Variants in DYNC2I2 observed in about 807,000 individuals in gnomAD.
The protein encoded by DYNC2I2 is cytoplasmic dynein 2 intermediate chain 2.
Under a neutral mutation model 52.0 loss-of-function variants are expected in DYNC2I2, and 39 were observed. The observed-to-expected ratio is 0.75, with a 90% confidence interval of 0.58 to 0.98. The LOEUF (loss-of-function observed/expected upper bound fraction) is 0.98. Among genes scored for constraint, DYNC2I2 ranks in the 50% least tolerant of loss-of-function variants. The probability of loss-of-function intolerance (pLI) is 0.00; values close to 1 mark genes in which losing one functional copy is unlikely to be tolerated. For missense variants in DYNC2I2, 743 were observed against 728.4 expected, an observed-to-expected ratio of 1.02 and a Z score of -0.23; for synonymous variants, 359 against 321.1, an observed-to-expected ratio of 1.12 and a Z score of -1.26.
rs1860506961 is a variant in DYNC2I2, at chr9:128,641,038, G to A, written c.187-99C>T. ...CCTCCTGCTTGACCCCCTCCTTGCT[G>A]CTGTGGGTCTCAGGCTAGGGGCCTC... On this transcript the variant is annotated intron_variant, in intron 1 of 8. Coordinates refer to ENST00000372715, the MANE Select transcript of DYNC2I2 (RefSeq NM_052844.4). 3.4e-6 allele frequency: 5 copies of A among 1,457,328 alleles called. No homozygotes were observed. In the Admixed American group the frequency reaches 1.1e-4, roughly 31 times the overall value. 90.3% of individuals were successfully genotyped at this position (1,457,328 alleles called of 1,614,324 possible).
In DYNC2I2 at chr9:128,637,042, C is replaced by T. The variant is rs1860428721; in HGVS notation, c.436-15G>A. ...AGACAAGACACCTGCGGAGACGTCC[C>T]CAACCCTGAGTCCAAAGCCACCAGC... On this transcript the variant is annotated splice_polypyrimidine_tract_variant and intron_variant, in intron 2 of 8. Transcript: ENST00000372715. 1.2e-6 allele frequency: 2 copies of T among 1,604,564 alleles called. No individual in the cohort carries two copies. The highest frequency in any genetic ancestry group is 1.7e-5 in the Admixed American group (1 of 59,624).
intron 1 of DYNC2I2, among the ~76,000 whole-genome samples, chr9:128,655,092 A>C (rs1564345762): frequency 6.6e-6 from 1 of 152,000 alleles, no homozygotes; most frequent in Non-Finnish European, 1.5e-5. Flanking sequence ...ACCCCTTGGG[A>C]GAGGCCTTGA....
intron 1 of DYNC2I2, among the ~76,000 whole-genome samples, chr9:128,654,732 G>T (rs1031917224): frequency 5.3e-5 from 8 of 152,062 alleles, no homozygotes; most frequent in African/African-American, 1.9e-4. Context: ...CTTTGCACTT[G>T]ACTTTTCATC....
chr9:128,635,820 TC>T, intron 4 of DYNC2I2, 53 bp from the exon 5 acceptor site: 1 of 1,532,736 alleles, frequency 6.5e-7, no homozygotes, highest in South Asian at 1.2e-5. Flanking sequence ...CAGCCTGACT[TC>T]CTGGCCAAAC....
At chr9:128,635,560 T>C in intron 5 of DYNC2I2, 98 bp downstream of exon 5, 1 of 1,114,004 alleles carries the variant, frequency 9.0e-7, no homozygotes, top group Non-Finnish European at 1.3e-6. Flanking sequence ...GAGGCAGCTG[T>C]CCAACTGCCA....
Position 128,656,646 on chromosome 9 carries a change from C to A in DYNC2I2, c.81G>T (p.Ala27=), listed in dbSNP as rs769249867. The A allele has an allele frequency of 7.3e-6, 11 of 1,506,466 alleles. No homozygotes were observed. Among genetic ancestry groups the A allele is most frequent in the African/African-American group, 1.4e-5 (1 of 69,628 alleles). The allele number at this position is 1,506,466 out of a possible 1,614,324, so 93.3% of individuals were successfully genotyped here. Reference sequence around the variant, plus strand: ...CTGGCCGCCCCGGCCCCGGGCCGCTCGCAACCCCGACTGTCGCCAGCGCCG... The same window carrying A: ...CTGGCCGCCCCGGCCCCGGGCCGCTAGCAACCCCGACTGTCGCCAGCGCCG... ...GVAALATVGV[A]SGPGPGRPGP... is the part of the protein sequence containing the mutation. The change falls in exon 1 of 9, where the codon GCG becomes GCT. Residue 27 remains alanine (A), a synonymous_variant. Transcript: ENST00000372715.
chr9:128,654,674 C>T (rs1860782927), intron 1 of DYNC2I2, among the ~76,000 whole-genome samples: 1 of 152,184 alleles, frequency 6.6e-6, no homozygotes, highest in South Asian at 2.1e-4. Flanking sequence ...CCTCCTGCCT[C>T]AGCTGCTCAA....
At chr9:128,669,063 T>C in the DYNC2I2 span, among the ~76,000 whole-genome samples, 3 of 151,548 alleles carry the variant, frequency 2.0e-5, no homozygotes, top group African/African-American at 7.3e-5. Context: ...AAACCCCGTC[T>C]CTACTAAAAA....
the DYNC2I2 span, among the ~76,000 whole-genome samples, chr9:128,670,457 G>T: frequency 6.6e-6 from 1 of 151,320 alleles, no homozygotes; most frequent in African/African-American, 2.4e-5. Context: ...AAAAAGAGAG[G>T]CCAAACACAG....
the DYNC2I2 span, among the ~76,000 whole-genome samples, chr9:128,675,369 G>A: frequency 2.0e-5 from 3 of 151,816 alleles, no homozygotes; most frequent in African/African-American, 4.8e-5. Context: ...TAGAGATGAG[G>A]TTTCACCATG....
At position 128,656,737 on chromosome 9, in the gene DYNC2I2, C is replaced by A; in HGVS notation, c.-11G>T. 7.3e-7 allele frequency: 1 copy of A among 1,377,748 alleles called. No individual in the cohort carries two copies. The highest frequency in any genetic ancestry group is 9.4e-7 in the Non-Finnish European group (1 of 1,067,930). The allele number at this position is 1,377,748 out of a possible 1,614,324, so 85.3% of individuals were successfully genotyped here. On this transcript the variant is annotated 5_prime_UTR_variant, in exon 1 of 9. Coordinates refer to ENST00000372715, the MANE Select transcript of DYNC2I2 (RefSeq NM_052844.4). ...CGCGCGGGTTGCCATGGAGACGGTT[C>A]CGCCCTCTCGTGCGGACGCACTCAG...
chr9:128,676,802 G>A, the DYNC2I2 span, among the ~76,000 whole-genome samples: 2 of 151,394 alleles, frequency 1.3e-5, no homozygotes, highest in Non-Finnish European at 2.9e-5. Flanking sequence ...CCAAGTGTGG[G>A]GATTACAGGC....
At chr9:128,654,982 G>A (rs1389687194) in intron 1 of DYNC2I2, among the ~76,000 whole-genome samples, 4 of 151,984 alleles carry the variant, frequency 2.6e-5, no homozygotes, top group African/African-American at 9.7e-5. Flanking sequence ...CCCCATGTAA[G>A]CTCGAGGAGG....
At chr9:128,638,470 T>A (rs1189443962) in intron 2 of DYNC2I2, among the ~76,000 whole-genome samples, 1 of 150,614 alleles carries the variant, frequency 6.6e-6, no homozygotes, top group Non-Finnish European at 1.5e-5. Flanking sequence ...TGAGCCCAGA[T>A]CACGCCATTG....
At chr9:128,676,548 T>C in the DYNC2I2 span, among the ~76,000 whole-genome samples, 4 of 150,926 alleles carry the variant, frequency 2.7e-5, no homozygotes, top group African/African-American at 9.8e-5. Context: ...TTTTTTTTTT[T>C]TGAGGCGGAG....
At chr9:128,682,063 A>G in the DYNC2I2 span, among the ~76,000 whole-genome samples, 2 of 148,416 alleles carry the variant, frequency 1.3e-5, no homozygotes, top group African/African-American at 5.0e-5. Flanking sequence ...ACAGAGTGAG[A>G]CTTTTTTTTT....
chr9:128,673,835 T>G, the DYNC2I2 span, among the ~76,000 whole-genome samples: 2 of 131,038 alleles, frequency 1.5e-5, no homozygotes, highest in East Asian at 2.2e-4. Flanking sequence ...TGAGATGAAG[T>G]TTCACTCTTG....
At chr9:128,682,410 C>T in the DYNC2I2 span, among the ~76,000 whole-genome samples, 26 of 152,030 alleles carry the variant, frequency 1.7e-4, no homozygotes, top group Admixed American at 1.5e-3. Context: ...GGTGTGGTGG[C>T]TTATGCCTGT....
chr9:128,636,532 T>C, intron 3 of DYNC2I2, 94 bp from the exon 4 acceptor site: 5 of 1,412,166 alleles, frequency 3.5e-6, no homozygotes, highest in Non-Finnish European at 4.8e-6. Context: ...ACACACTCGC[T>C]GTGTCCTTGT....
Sources: gnomAD v4.1 joint callset for allele counts (sites outside exome capture counted in the v4.1 genomes callset) on GRCh38, gnomAD v4.1.1 for gene constraint, MANE v1.5 for transcripts, NCBI Gene and HGNC (gene_info 2026-07-23, HGNC 2026-07-21) for gene names.